The following DLG2 variants were observed in gnomAD, a reference collection of about 807,000 sequenced individuals.
DLG2 encodes the protein discs large MAGUK scaffold protein 2.
A neutral mutation model predicts 132.5 loss-of-function variants in DLG2; 45 were observed. That is an observed-to-expected ratio of 0.34 (90% CI 0.27 to 0.44). The LOEUF is 0.44. DLG2 is among the 20% of genes least tolerant of loss of function. The pLI is 1.00. For missense variants in DLG2, 1,045 were observed against 1,196.9 expected, an observed-to-expected ratio of 0.87 and a Z score of 1.87; for synonymous variants, 424 against 419.6, an observed-to-expected ratio of 1.01 and a Z score of -0.13.
At chr11:84,799,958 C>T (rs779116145) in intron 6 of DLG2, among the ~76,000 whole-genome samples, 15 of 152,146 alleles carry the variant, frequency 9.9e-5, no homozygotes, top group Non-Finnish European at 2.1e-4. Context: ...ATGAGAAGCT[C>T]TTTCTCACAT....
chr11:84,801,481 G>T (rs760121407), intron 6 of DLG2, among the ~76,000 whole-genome samples: 5 of 152,204 alleles, frequency 3.3e-5, no homozygotes, highest in Non-Finnish European at 5.9e-5. Context: ...TGAGGCAGGA[G>T]AATGGCGTGA....
At chr11:84,242,142 C>G (rs1245396071) in intron 8 of DLG2, among the ~76,000 whole-genome samples, 1 of 152,182 alleles carries the variant, frequency 6.6e-6, no homozygotes, top group Non-Finnish European at 1.5e-5. Flanking sequence ...TTGCTACTTT[C>G]ACATAACAGT....
At chr11:83,928,878 A>G (rs68097161) in intron 15 of DLG2, among the ~76,000 whole-genome samples, 9,827 of 152,258 alleles carry the variant, frequency 0.065, 439 homozygotes, top group East Asian at 0.19. Context: ...GACTATAGGT[A>G]CATAATTACT....
intron 3 of DLG2, among the ~76,000 whole-genome samples, chr11:85,414,363 C>A (rs1262545559): frequency 6.6e-6 from 1 of 151,944 alleles, no homozygotes; most frequent in Non-Finnish European, 1.5e-5. Context: ...GTTTGACTTC[C>A]TCTTTACTGA....
chr11:85,138,240 AC>A (rs760866564), intron 5 of DLG2, among the ~76,000 whole-genome samples: 105 of 152,254 alleles, frequency 6.9e-4, no homozygotes, highest in Non-Finnish European at 1.1e-3. Flanking sequence ...CAAAATCTAA[AC>A]AACCTTTGAA....
At chr11:83,888,540 G>A (rs1290382500) in intron 15 of DLG2, among the ~76,000 whole-genome samples, 1 of 152,164 alleles carries the variant, frequency 6.6e-6, no homozygotes, top group African/African-American at 2.4e-5. Flanking sequence ...GTAATTTATA[G>A]ATTCAATGCC....
chr11:85,258,410 A>C (rs779307981), intron 4 of DLG2, among the ~76,000 whole-genome samples: 2 of 152,196 alleles, frequency 1.3e-5, no homozygotes, highest in South Asian at 4.1e-4. Flanking sequence ...TATTCAACTC[A>C]AAGTATTTAG....
chr11:84,584,731 C>T (rs1414861903), intron 6 of DLG2, among the ~76,000 whole-genome samples: 1 of 123,582 alleles, frequency 8.1e-6, no homozygotes, highest in East Asian at 2.6e-4. Flanking sequence ...CTCTGTCGCC[C>T]AGGCTGGAGT....
At chr11:84,436,179 C>T (rs2099000225) in intron 7 of DLG2, among the ~76,000 whole-genome samples, 1 of 152,058 alleles carries the variant, frequency 6.6e-6, no homozygotes, top group Non-Finnish European at 1.5e-5. Context: ...GCCCAATCCT[C>T]CCCTCCCTCA....
chr11:84,522,578 T>C (rs2099307383), intron 7 of DLG2, among the ~76,000 whole-genome samples: 1 of 152,210 alleles, frequency 6.6e-6, no homozygotes, highest in African/African-American at 2.4e-5. Context: ...ACTGGAAGAA[T>C]GTATCCTGGG....
In DLG2 at chr11:85,412,760, C is replaced by CACACACACACACAT. The variant is rs756868795; in HGVS notation, c.41-127396_41-127395insATGTGTGTGTGTGT. ...ACACACACACACACACACACACACA[C>CACACACACACACAT]ATATATATATATATATATATATATA... On this transcript the variant is annotated intron_variant, in intron 3 of 27. Transcript: ENST00000376104. Among the ~76,000 whole-genome samples, 1,021 of 113,120 alleles carry CACACACACACACAT rather than the reference C, an allele frequency of 9.0e-3. 10 individuals are homozygous for CACACACACACACAT. Among genetic ancestry groups the CACACACACACACAT allele is most frequent in the Non-Finnish European group, 0.014 (797 of 56,236 alleles). The allele number at this position is 113,120 out of a possible 152,430, so 74.2% of individuals were successfully genotyped here.
At chr11:84,295,863 A>G (rs2098082699) in intron 7 of DLG2, among the ~76,000 whole-genome samples, 1 of 152,206 alleles carries the variant, frequency 6.6e-6, no homozygotes, top group South Asian at 2.1e-4. Flanking sequence ...AGCTTACAGA[A>G]CTGAAACAAG....
chr11:83,992,591 A>G (rs1246844530), intron 11 of DLG2, among the ~76,000 whole-genome samples: 1 of 152,154 alleles, frequency 6.6e-6, no homozygotes, highest in Non-Finnish European at 1.5e-5. Context: ...AAGTAGTTTT[A>G]GGCGGAGTGC....
chr11:84,601,144 C>G (rs2099575777), intron 6 of DLG2, among the ~76,000 whole-genome samples: 1 of 151,954 alleles, frequency 6.6e-6, no homozygotes, highest in Non-Finnish European at 1.5e-5. Flanking sequence ...TATTATCAAG[C>G]AAGAATAAGG....
chr11:83,818,060 C>T (rs11233751), intron 17 of DLG2, among the ~76,000 whole-genome samples: 31,840 of 152,032 alleles, frequency 0.21, 4,361 homozygotes, highest in African/African-American at 0.38. Context: ...CCTGAGTCTC[C>T]GTCTTTTCAC....
intron 6 of DLG2, among the ~76,000 whole-genome samples, chr11:84,567,089 T>C (rs982356133): frequency 6.6e-6 from 1 of 152,044 alleles, no homozygotes; most frequent in African/African-American, 2.4e-5. Context: ...AAAAACCAAC[T>C]TCACCTCGAA....
intron 7 of DLG2, among the ~76,000 whole-genome samples, chr11:84,489,204 G>A (rs2154495400): frequency 6.6e-6 from 1 of 152,106 alleles, no homozygotes; most frequent in Non-Finnish European, 1.5e-5. Context: ...AAAACAAACG[G>A]CACTGCAGTA....
chr11:84,371,852 T>G (rs1236003610), intron 7 of DLG2, among the ~76,000 whole-genome samples: 1 of 152,194 alleles, frequency 6.6e-6, no homozygotes, highest in Admixed American at 6.5e-5. Flanking sequence ...TTTATTTCAT[T>G]TCCTCTCAGC....
At chr11:85,406,176 G>A in intron 3 of DLG2, among the ~76,000 whole-genome samples, 1 of 151,608 alleles carries the variant, frequency 6.6e-6, no homozygotes. Flanking sequence ...AGTTTATTCA[G>A]GAGACCATTA....
Sources: gnomAD v4.1 joint callset for allele counts (sites outside exome capture counted in the v4.1 genomes callset) on GRCh38, gnomAD v4.1.1 for gene constraint, MANE v1.5 for transcripts, NCBI Gene and HGNC (gene_info 2026-07-23, HGNC 2026-07-21) for gene names.